The following TBC1D4 variants were observed in gnomAD, a reference collection of about 807,000 sequenced individuals.
TBC1D4 encodes TBC (Tre-2, BUB2, CDC16) domain-containing protein.
In TBC1D4, 121 loss-of-function variants were observed where a neutral mutation model predicts 142.5. The observed-to-expected ratio is 0.85, with a 90% confidence interval of 0.73 to 0.99. The LOEUF (loss-of-function observed/expected upper bound fraction) is 0.99. Among genes scored for constraint, TBC1D4 ranks in the 50% least tolerant of loss-of-function variants. The pLI is 0.00. For missense variants in TBC1D4, 1,475 were observed against 1,606.6 expected, an observed-to-expected ratio of 0.92 and a Z score of 1.40; for synonymous variants, 630 against 628.2, an observed-to-expected ratio of 1.00 and a Z score of -0.04.
intron 1 of TBC1D4, among the ~76,000 whole-genome samples, chr13:75,463,188 A>T (rs9573550): frequency 1.3e-5 from 2 of 151,398 alleles, no homozygotes; most frequent in East Asian, 3.9e-4. Flanking sequence ...TAGAAAAAAA[A>T]AGTCATAACA....
chr13:75,293,404 T>C (rs929528842), intron 18 of TBC1D4, among the ~76,000 whole-genome samples: 3 of 151,922 alleles, frequency 2.0e-5, no homozygotes, highest in African/African-American at 7.3e-5. Flanking sequence ...ACAGCATCAT[T>C]TGTATTCTCA....
Position 75,341,557 on chromosome 13 carries a change from A to G in TBC1D4, c.1439T>C (p.Ile480Thr). The part of the protein sequence containing the change: ...GLYPPRAKLV[I>T]QRHLSSLTDN... ...TGTCAGTGATGAGAGATGCCTCTGT[A>G]TCACCAGCTTGGCTCTTGGTGGGTA... The change falls in exon 6 of 21, where the codon ATA (isoleucine) becomes ACA (threonine). Residue 480 changes from isoleucine (I) to threonine (T), a missense_variant. Around this residue, in one of 2 missense-constraint regions of TBC1D4, gnomAD observed 1,227 missense variants for 1,267.7 expected, o/e 0.97. Coordinates refer to ENST00000377636, the MANE Select transcript of TBC1D4 (RefSeq NM_014832.5). 2 of 1,614,088 alleles carry G rather than the reference A, an allele frequency of 1.2e-6. No homozygotes were observed. The highest frequency in any genetic ancestry group is 1.7e-6 in the Non-Finnish European group (2 of 1,180,006).
At chr13:75,369,832 G>A (rs575574910) in intron 1 of TBC1D4, among the ~76,000 whole-genome samples, 4 of 152,306 alleles carry the variant, frequency 2.6e-5, no homozygotes, top group Admixed American at 2.6e-4. Context: ...TACATAAGAA[G>A]ATGAAATAAG....
At chr13:75,331,128 G>T (rs141429016) in intron 8 of TBC1D4, among the ~76,000 whole-genome samples, 5 of 152,026 alleles carry the variant, frequency 3.3e-5, no homozygotes, top group African/African-American at 9.7e-5. Flanking sequence ...ATTTCAACAA[G>T]TAAAGACAAT....
chr13:75,430,386 C>A (rs1358859673), intron 1 of TBC1D4, among the ~76,000 whole-genome samples: 2 of 152,124 alleles, frequency 1.3e-5, no homozygotes, highest in Non-Finnish European at 2.9e-5. Flanking sequence ...TTTGTGAATT[C>A]TAAATAGGCC....
chr13:75,452,507 A>C (rs1887571976), intron 1 of TBC1D4, among the ~76,000 whole-genome samples: 1 of 152,358 alleles, frequency 6.6e-6, no homozygotes, highest in African/African-American at 2.4e-5. Context: ...AACCTTTATT[A>C]ATGGTAGCAG....
intron 1 of TBC1D4, among the ~76,000 whole-genome samples, chr13:75,413,048 C>T (rs1164600670): frequency 6.6e-6 from 1 of 152,118 alleles, no homozygotes; most frequent in African/African-American, 2.4e-5. Context: ...TGGGCAAGTA[C>T]AGTACAGTGT....
intron 5 of TBC1D4, among the ~76,000 whole-genome samples, chr13:75,345,839 C>G (rs1266801790): frequency 6.6e-6 from 1 of 152,120 alleles, no homozygotes; most frequent in Non-Finnish European, 1.5e-5. Context: ...AGTGATAGCT[C>G]CCCTATAGGT....
intron 1 of TBC1D4, chr13:75,367,037 A>G (rs374622657): frequency 9.4e-6 from 9 of 952,852 alleles, no homozygotes; most frequent in Non-Finnish European, 3.7e-6. Context: ...CGGTATTTTC[A>G]TTGTATTTAT....
rs1877207268 is a variant in TBC1D4, at chr13:75,306,537, T to C, written c.2594-66A>G. 2.5e-6 allele frequency: 4 copies of C among 1,577,682 alleles called. No homozygotes were observed. The South Asian group carries it at 3.3e-5, about 13-fold the overall frequency. The stretch of plus-strand genomic sequence containing the variant: ...CAAATGTAAAACTTTAGACGTTTGA[T>C]TGTATTTGTAAAACCATACCAAATG... On this transcript the variant is annotated intron_variant, in intron 14 of 20. Coordinates refer to ENST00000377636, the MANE Select transcript of TBC1D4 (RefSeq NM_014832.5).
chr13:75,467,245 T>C (rs1446534730), intron 1 of TBC1D4, among the ~76,000 whole-genome samples: 1 of 152,222 alleles, frequency 6.6e-6, no homozygotes, highest in Non-Finnish European at 1.5e-5. Flanking sequence ...AGCAAACATG[T>C]TGTGAAACTG....
chr13:75,444,627 A>G (rs1286430180), intron 1 of TBC1D4, among the ~76,000 whole-genome samples: 3 of 152,220 alleles, frequency 2.0e-5, no homozygotes, highest in East Asian at 3.9e-4. Flanking sequence ...TAAAACAACA[A>G]TGGTACATTC....
At chr13:75,368,921 G>T (rs1369136303) in intron 1 of TBC1D4, among the ~76,000 whole-genome samples, 1 of 152,106 alleles carries the variant, frequency 6.6e-6, no homozygotes, top group Non-Finnish European at 1.5e-5. Context: ...GTGTGCACCT[G>T]TAATCCCAGC....
chr13:75,471,201 G>A (rs925564235), intron 1 of TBC1D4, among the ~76,000 whole-genome samples: 4 of 151,948 alleles, frequency 2.6e-5, no homozygotes, highest in South Asian at 2.1e-4. Flanking sequence ...TAGAAGAAAC[G>A]TGATATGCCA....
In TBC1D4 at chr13:75,458,216, G is replaced by A. The variant is rs959360736; in HGVS notation, c.498+23054C>T. 2.0e-5 allele frequency among the ~76,000 whole-genome samples: 3 copies of A among 152,214 alleles called. 1 individual carries two copies. In the South Asian group the frequency reaches 6.2e-4, roughly 32 times the overall value. ...TGGATCTCTGCAGGATGGATGGGGA[G>A]CTGGAAAGAGGATGGAGTGGGAAGA... On this transcript the variant is annotated intron_variant, in intron 1 of 20. Coordinates refer to ENST00000377636, the MANE Select transcript of TBC1D4 (RefSeq NM_014832.5).
At chr13:75,345,718 C>A (rs958587672) in intron 5 of TBC1D4, among the ~76,000 whole-genome samples, 4 of 151,306 alleles carry the variant, frequency 2.6e-5, no homozygotes, top group African/African-American at 9.7e-5. Context: ...CATGGTGAAA[C>A]CCCGTCTCTA....
intron 4 of TBC1D4, among the ~76,000 whole-genome samples, 197 bp downstream of exon 4, chr13:75,355,950 T>C (rs931542742): frequency 7.9e-5 from 12 of 152,236 alleles, no homozygotes; most frequent in African/African-American, 2.9e-4. Flanking sequence ...CAAAAGTATG[T>C]AGGCATATAT....
intron 1 of TBC1D4, among the ~76,000 whole-genome samples, chr13:75,449,592 T>G (rs964081871): frequency 1.3e-5 from 2 of 151,550 alleles, no homozygotes; most frequent in Admixed American, 1.3e-4. Context: ...ACATAGTTTT[T>G]TTTTTTTTTT....
Position 75,362,585 on chromosome 13 carries a change from A to T in TBC1D4, c.521T>A (p.Ile174Lys). ...CATGGCCGCTTTAGATAATTGCCTT[A>T]TGCTGCTAATAACATCAGGAACCTG... The part of the protein sequence containing the change: ...PSQVPDVISS[I>K]RQLSKAAMKE... The change falls in exon 2 of 21, where the codon ATA becomes AAA. Residue 174 changes from isoleucine (I) to lysine (K), a missense_variant. By Grantham distance (102) the Ile-to-Lys change is moderately radical (BLOSUM62 -3). This residue lies in a region of TBC1D4 where 1,227 missense variants were observed against 1,267.7 expected (regional missense o/e 0.97). Transcript: ENST00000377636. This position sits in a 1 kb window ranked among gnomAD's most constrained non-coding sequence, Gnocchi z 4.2. The T allele has an allele frequency of 6.2e-7, 1 of 1,614,124 alleles. No homozygotes were observed. Among genetic ancestry groups the T allele is most frequent in the African/African-American group, 1.3e-5 (1 of 75,058 alleles).
Sources: gnomAD v4.1 joint callset for allele counts (sites outside exome capture counted in the v4.1 genomes callset) on GRCh38, gnomAD v4.1.1 for gene constraint, gnomAD v4.1.1 regional missense constraint, Gnocchi (gnomAD v3.1) non-coding constraint, MANE v1.5 for transcripts, NCBI Gene and HGNC (gene_info 2026-07-23, HGNC 2026-07-21) for gene names.